MEMO1: variants seen among roughly 807,000 people sequenced by gnomAD.
The protein encoded by MEMO1 is protein MEMO1.
A neutral mutation model predicts 45.2 loss-of-function variants in MEMO1; 6 were observed. The observed-to-expected ratio is 0.13, with a 90% CI of 0.07 to 0.26. The LOEUF (loss-of-function observed/expected upper bound fraction) is 0.26, where lower values mean the gene tolerates loss of function less well. Among genes scored for constraint, MEMO1 ranks in the 10% least tolerant of loss-of-function variants. The pLI, the probability that MEMO1 is intolerant of heterozygous loss-of-function variation, is 1.00. For missense variants in MEMO1, 184 were observed against 370.5 expected, an observed-to-expected ratio of 0.50 and a Z score of 4.13; for synonymous variants, 78 against 124.3, an observed-to-expected ratio of 0.63 and a Z score of 2.48.
At chr2:31,943,586 C>T (rs907511345) in intron 2 of MEMO1, among the ~76,000 whole-genome samples, 5 of 152,142 alleles carry the variant, frequency 3.3e-5, no homozygotes, top group African/African-American at 1.2e-4. Context: ...TCTGACTAAA[C>T]AAAATTTGCT....
chr2:31,919,855 GGT>G (rs1012635626), intron 5 of MEMO1, among the ~76,000 whole-genome samples: 21 of 150,396 alleles, frequency 1.4e-4, no homozygotes, highest in Admixed American at 1.1e-3. Flanking sequence ...TGTGTGTCGG[GGT>G]GTGTGTGTGT....
At chr2:31,872,900 C>A (rs538812133) in intron 8 of MEMO1, among the ~76,000 whole-genome samples, 96 of 152,004 alleles carry the variant, frequency 6.3e-4, no homozygotes, top group South Asian at 2.3e-3. Context: ...CAAACAAAAG[C>A]AATAATGATA....
At chr2:32,010,121 C>G in intron 2 of MEMO1, 66 bp downstream of exon 2, 2 of 878,226 alleles carry the variant, frequency 2.3e-6, no homozygotes, top group Non-Finnish European at 2.8e-6. Context: ...GGCCGCCGAC[C>G]TCGGCCGGCC....
chr2:31,888,254 G>C (rs529200528), intron 7 of MEMO1, among the ~76,000 whole-genome samples: 7 of 152,044 alleles, frequency 4.6e-5, no homozygotes, highest in African/African-American at 1.7e-4. Context: ...TCCTGCCTCA[G>C]CCTCCCACAT....
At chr2:31,978,926 C>T (rs1364193887) in intron 2 of MEMO1, among the ~76,000 whole-genome samples, 2 of 151,976 alleles carry the variant, frequency 1.3e-5, no homozygotes, top group African/African-American at 2.4e-5. Context: ...ATCACATTTT[C>T]CCAGATTTTA....
chr2:31,999,840 A>G (rs1367660769), intron 2 of MEMO1, among the ~76,000 whole-genome samples: 1 of 151,040 alleles, frequency 6.6e-6, no homozygotes, highest in Non-Finnish European at 1.5e-5. Flanking sequence ...CTATCCCCAG[A>G]TAATGTACAA....
chr2:31,979,596 T>A (rs1670403650), intron 2 of MEMO1, among the ~76,000 whole-genome samples: 2 of 152,190 alleles, frequency 1.3e-5, no homozygotes, highest in African/African-American at 4.8e-5. Flanking sequence ...ACTTAATGCC[T>A]TGAACTATAC....
chr2:31,916,056 C>T lies in MEMO1; in HGVS notation c.437+1870G>A, dbSNP rs1032971656. Reference sequence around the variant, plus strand: ...TAATGTGGCAGTAGTTTATTTGATACTATTTAAAAGGGGGAATTATAAATA... The same window carrying T: ...TAATGTGGCAGTAGTTTATTTGATATTATTTAAAAGGGGGAATTATAAATA... On this transcript the variant is annotated intron_variant, in intron 6 of 9. Coordinates refer to ENST00000404530, the MANE Select transcript of MEMO1 (RefSeq NM_001301833.4). Among the ~76,000 whole-genome samples, 3 of 152,178 alleles carry T rather than the reference C, an allele frequency of 2.0e-5. No individual in the cohort carries two copies. In the South Asian group the frequency reaches 6.2e-4, roughly 32 times the overall value.
Position 32,009,778 on chromosome 2 carries a change from G to C in MEMO1, c.61+409C>G, listed in dbSNP as rs1166481369. On this transcript the variant is annotated intron_variant, in intron 2 of 9. Transcript: ENST00000404530. ...CCTGCGGCGTGGAGAAGCGGGGCTC[G>C]GCGCCGGGCACACCGTCCTTCCCGG... is the stretch of plus-strand genomic sequence containing the variant. 2.6e-5 allele frequency among the ~76,000 whole-genome samples: 4 copies of C among 152,152 alleles called. No individual in the cohort carries two copies. In the East Asian group the frequency reaches 7.7e-4, roughly 29 times the overall value.
At chr2:31,969,523 G>C (rs546365648) in intron 2 of MEMO1, among the ~76,000 whole-genome samples, 9 of 151,240 alleles carry the variant, frequency 6.0e-5, no homozygotes, top group African/African-American at 2.2e-4. Flanking sequence ...AGGATAACAA[G>C]TGACTTATTT....
chr2:31,943,715 G>A (rs1665884252), intron 2 of MEMO1, among the ~76,000 whole-genome samples: 1 of 152,148 alleles, frequency 6.6e-6, no homozygotes, highest in Non-Finnish European at 1.5e-5. Flanking sequence ...TGTATGAAGA[G>A]GAAATAATTG....
intron 6 of MEMO1, among the ~76,000 whole-genome samples, chr2:31,899,965 C>G (rs564200266): frequency 7.2e-5 from 11 of 152,252 alleles, no homozygotes; most frequent in African/African-American, 2.4e-4. Context: ...AAATGCAAAT[C>G]AAAACCACAG....
intron 2 of MEMO1, among the ~76,000 whole-genome samples, chr2:32,006,502 A>T (rs1674084308): frequency 6.6e-6 from 1 of 152,092 alleles, no homozygotes; most frequent in Non-Finnish European, 1.5e-5. Flanking sequence ...TTGTGTGTCA[A>T]ATACAGTCTC....
At chr2:31,901,352 G>A (rs1438093248) in intron 6 of MEMO1, among the ~76,000 whole-genome samples, 6 of 103,602 alleles carry the variant, frequency 5.8e-5, no homozygotes, top group Non-Finnish European at 1.0e-4. Flanking sequence ...CAGCCTGAGC[G>A]AAAGAGTGAG....
At chr2:32,006,064 T>A (rs1674027351) in intron 2 of MEMO1, among the ~76,000 whole-genome samples, 1 of 152,070 alleles carries the variant, frequency 6.6e-6, no homozygotes, top group Non-Finnish European at 1.5e-5. Context: ...AATGAACAAC[T>A]ATTAGATGTC....
chr2:31,899,091 G>A (rs1318708749), intron 6 of MEMO1, among the ~76,000 whole-genome samples: 3 of 152,172 alleles, frequency 2.0e-5, no homozygotes, highest in African/African-American at 7.2e-5. Flanking sequence ...AATTAATATA[G>A]TGAAAACAGC....
At chr2:31,895,076 T>C (rs1677551022) in intron 6 of MEMO1, among the ~76,000 whole-genome samples, 1 of 152,074 alleles carries the variant, frequency 6.6e-6, no homozygotes. Context: ...CCACACATAG[T>C]GGGAGAGACA....
chr2:31,889,347 T>C (rs527361516), intron 7 of MEMO1, among the ~76,000 whole-genome samples: 1 of 152,180 alleles, frequency 6.6e-6, no homozygotes, highest in South Asian at 2.1e-4. Flanking sequence ...AGGAACTGAA[T>C]CCCTCCTGTG....
At chr2:31,885,473 A>C (rs1460105749) in intron 7 of MEMO1, among the ~76,000 whole-genome samples, 1 of 152,220 alleles carries the variant, frequency 6.6e-6, no homozygotes, top group Non-Finnish European at 1.5e-5. Flanking sequence ...TCAGTGCCAA[A>C]TCTAAAGTGC....
Sources: allele counts gnomAD v4.1 joint callset (sites outside exome capture counted in the v4.1 genomes callset), GRCh38; gene constraint gnomAD v4.1.1; transcripts MANE v1.5; gene names NCBI Gene and HGNC (gene_info 2026-07-23, HGNC 2026-07-21).